The following ELF2 variants were observed in gnomAD, a reference collection of about 807,000 sequenced individuals.
ELF2 encodes the protein ETS-related transcription factor Elf-2.
In ELF2, 11 loss-of-function variants were observed where a neutral mutation model predicts 54.8. That is an observed-to-expected ratio of 0.20 (90% CI 0.13 to 0.33). ELF2 has a LOEUF of 0.33. Ranked by LOEUF, ELF2 falls within the 10% of genes least tolerant of loss-of-function variation. The pLI is 1.00. For missense variants in ELF2, 513 were observed against 703.0 expected, an observed-to-expected ratio of 0.73 and a Z score of 3.06; for synonymous variants, 203 against 245.1, an observed-to-expected ratio of 0.83 and a Z score of 1.61.
At chr4:139,152,133 C>T (rs963422428) in intron 1 of ELF2, among the ~76,000 whole-genome samples, 1 of 152,148 alleles carries the variant, frequency 6.6e-6, no homozygotes, top group Non-Finnish European at 1.5e-5. Flanking sequence ...GTATTATCTT[C>T]ATTGTGGTGG....
intron 4 of ELF2, among the ~76,000 whole-genome samples, chr4:139,110,074 A>G (rs1734810977): frequency 1.3e-5 from 2 of 152,214 alleles, no homozygotes; most frequent in African/African-American, 4.8e-5. Context: ...TTTTTGATGT[A>G]AGCATCTTCT....
In ELF2 at chr4:139,167,577, G is replaced by T. The variant is rs150967652; in HGVS notation, c.-252+9390C>A. Among the ~76,000 whole-genome samples, 426 of 152,274 alleles carry T rather than the reference G, an allele frequency of 2.8e-3. 1 individual carries two copies. Among genetic ancestry groups the T allele is most frequent in the African/African-American group, 1.0e-2 (415 of 41,552 alleles). On this transcript the variant is annotated intron_variant, in intron 1 of 9. Coordinates refer to ENST00000686138, the MANE Select transcript of ELF2 (RefSeq NM_001331036.3). Reference sequence around the variant, plus strand: ...AAACTACTGTATCTATTATTAGACTGTAGCCCTGTACACTGTATTTGAGTT... The same window carrying T: ...AAACTACTGTATCTATTATTAGACTTTAGCCCTGTACACTGTATTTGAGTT...
chr4:139,175,868 C>T (rs1742854845), intron 1 of ELF2, among the ~76,000 whole-genome samples: 1 of 152,192 alleles, frequency 6.6e-6, no homozygotes, highest in Admixed American at 6.5e-5. Flanking sequence ...TATTCTGCAG[C>T]GAATCTGCCT....
At chr4:139,157,052 T>C (rs1195812340) in intron 1 of ELF2, among the ~76,000 whole-genome samples, 2 of 152,192 alleles carry the variant, frequency 1.3e-5, no homozygotes, top group Non-Finnish European at 2.9e-5. Flanking sequence ...ACATAAGGAT[T>C]TTGTCATTGT....
chr4:139,085,200 A>T (rs1731842417), intron 4 of ELF2, among the ~76,000 whole-genome samples: 1 of 152,224 alleles, frequency 6.6e-6, no homozygotes, highest in Non-Finnish European at 1.5e-5. Flanking sequence ...AAATTTACTG[A>T]ACACAGGAAA....
intron 1 of ELF2, among the ~76,000 whole-genome samples, chr4:139,161,086 T>C (rs1560883483): frequency 1.3e-5 from 2 of 152,382 alleles, no homozygotes; most frequent in South Asian, 4.1e-4. Flanking sequence ...TTTATACCTA[T>C]GTACATATAT....
chr4:139,059,821 A>G (rs1171059650), intron 9 of ELF2, among the ~76,000 whole-genome samples: 4 of 152,054 alleles, frequency 2.6e-5, no homozygotes, highest in Admixed American at 2.6e-4. Context: ...AAACCATAAA[A>G]ACCAATTCAG....
chr4:139,127,176 C>G (rs1481576223), intron 3 of ELF2, among the ~76,000 whole-genome samples: 1 of 152,182 alleles, frequency 6.6e-6, no homozygotes, highest in Non-Finnish European at 1.5e-5. Context: ...CATTTCACCC[C>G]CCAGATGTGT....
chr4:139,151,659 C>T (rs1177779323), intron 1 of ELF2, among the ~76,000 whole-genome samples: 5 of 152,086 alleles, frequency 3.3e-5, no homozygotes, highest in African/African-American at 1.2e-4. Flanking sequence ...TTTAAAAGTA[C>T]CTAATTTTAT....
chr4:139,123,366 T>G (rs1302240175), intron 4 of ELF2, among the ~76,000 whole-genome samples: 2 of 152,180 alleles, frequency 1.3e-5, no homozygotes, highest in East Asian at 3.9e-4. Context: ...AAAAGTAACT[T>G]ATTTTACCTA....
chr4:139,155,298 G>A (rs1025046387), intron 1 of ELF2: 2 of 152,044 alleles, frequency 1.3e-5, no homozygotes, highest in African/African-American at 4.8e-5. Context: ...CCAAGGAGAG[G>A]GGGATCACCA....
chr4:139,174,040 G>A (rs1233211456), intron 1 of ELF2, among the ~76,000 whole-genome samples: 33 of 149,748 alleles, frequency 2.2e-4, no homozygotes, highest in Non-Finnish European at 3.7e-4. Context: ...TGGCTAACAC[G>A]GTGAAACCCC....
At chr4:139,112,467 C>T (rs948774563) in intron 4 of ELF2, among the ~76,000 whole-genome samples, 2 of 152,318 alleles carry the variant, frequency 1.3e-5, no homozygotes, top group Non-Finnish European at 2.9e-5. Flanking sequence ...TGGGACATTG[C>T]AGGTCCTCAG....
intron 1 of ELF2, among the ~76,000 whole-genome samples, chr4:139,166,461 C>G (rs146024204): frequency 6.6e-6 from 1 of 151,942 alleles, no homozygotes; most frequent in Non-Finnish European, 1.5e-5. Flanking sequence ...AAGATTTGTA[C>G]GCTTAAATAT....
chr4:139,169,882 G>C (rs917587343), intron 1 of ELF2, among the ~76,000 whole-genome samples: 1 of 146,328 alleles, frequency 6.8e-6, no homozygotes, highest in African/African-American at 2.5e-5. Context: ...AAAAAGCTAT[G>C]TCTTCCTTTA....
At chr4:139,094,188 C>A (rs1475185728) in intron 4 of ELF2, among the ~76,000 whole-genome samples, 1 of 152,084 alleles carries the variant, frequency 6.6e-6, no homozygotes, top group Admixed American at 6.6e-5. Context: ...CGTGAGCCAC[C>A]ACGCCCGGCA....
At chr4:139,114,634 TTTTC>T (rs373531530) in intron 4 of ELF2, among the ~76,000 whole-genome samples, 7 of 70,242 alleles carry the variant, frequency 1.0e-4, no homozygotes, top group African/African-American at 4.5e-4. Context: ...TGGATTTTTT[TTTTC>T]TTTCTTTTTT....
chr4:139,080,628 A>G (rs1026197202), intron 4 of ELF2, among the ~76,000 whole-genome samples: 2 of 152,168 alleles, frequency 1.3e-5, no homozygotes, highest in Non-Finnish European at 2.9e-5. Flanking sequence ...AAGACAAATA[A>G]AGGAAAAAGT....
At position 139,115,353 on chromosome 4, in the gene ELF2, C is replaced by A. The variant is rs578039343; in HGVS notation, c.238+9811G>T. On this transcript the variant is annotated intron_variant, in intron 4 of 9. Coordinates refer to ENST00000686138, the MANE Select transcript of ELF2 (RefSeq NM_001331036.3). Reference sequence around the variant, plus strand: ...GCCGGGGTCGCCAACGCCGCGCCCCCCGCGGTGCCGCTGTCCGCCATGGCG... The same window carrying A: ...GCCGGGGTCGCCAACGCCGCGCCCCACGCGGTGCCGCTGTCCGCCATGGCG... The A allele has an allele frequency of 4.1e-4, 493 of 1,204,102 alleles. 2 individuals are homozygous for A. The highest frequency in any genetic ancestry group is 4.8e-4 in the Non-Finnish European group (461 of 963,318). 74.6% of individuals were successfully genotyped at this position (1,204,102 alleles called of 1,614,324 possible). A position where few individuals can be genotyped will look rare whatever the true frequency, so the allele number is the denominator to read the frequency against.
Sources: allele counts gnomAD v4.1 joint callset (sites outside exome capture counted in the v4.1 genomes callset), GRCh38; gene constraint gnomAD v4.1.1; transcripts MANE v1.5; gene names NCBI Gene and HGNC (gene_info 2026-07-23, HGNC 2026-07-21).